LRRC51: variants seen among roughly 807,000 people sequenced by gnomAD.
LRRC51 encodes leucine-rich repeat-containing protein 51.
LRRC51 carries 8 observed loss-of-function variants against 17.8 expected under a neutral mutation model. That is an observed-to-expected ratio of 0.45 (90% CI 0.26 to 0.81). The LOEUF (loss-of-function observed/expected upper bound fraction) is 0.81, where lower values mean the gene tolerates loss of function less well. LRRC51 is among the 30% of genes least tolerant of loss of function. LRRC51 has a pLI of 0.17. For missense variants in LRRC51, 233 were observed against 239.3 expected, an observed-to-expected ratio of 0.97 and a Z score of 0.17; for synonymous variants, 92 against 96.0, an observed-to-expected ratio of 0.96 and a Z score of 0.24.
At chr11:72,095,241 G>C in intron 5 of LRRC51, 138 bp from the exon 6 acceptor site, 1 of 1,570,790 alleles carries the variant, frequency 6.4e-7, no homozygotes, top group Non-Finnish European at 8.6e-7. Context: ...CTTGCTCTCA[G>C]TCAGGATAAA....
In LRRC51 at chr11:72,096,395, G is replaced by A. The variant is rs139223452; in HGVS notation, c.*875G>A. The A allele has an allele frequency of 0.01, 3,909 of 388,350 alleles. 157 individuals carry two copies. Among genetic ancestry groups the A allele is most frequent in the African/African-American group, 0.08 (3,675 of 45,784 alleles). 24.1% of individuals were successfully genotyped at this position (388,350 alleles called of 1,614,324 possible). A position where few individuals can be genotyped will look rare whatever the true frequency, so the allele number is the denominator to read the frequency against. On this transcript the variant is annotated 3_prime_UTR_variant, in exon 6 of 6. Coordinates refer to ENST00000289488, the MANE Select transcript of LRRC51 (RefSeq NM_145309.6). The stretch of plus-strand genomic sequence containing the variant: ...TGGGATTAGAAGCGTGAGCCACCAC[G>A]CCCAGCCTTTTTTTGTATTTTTAGT...
chr11:72,094,495 G>GATC (rs1245340934), intron 4 of LRRC51: 2 of 582,074 alleles, frequency 3.4e-6, no homozygotes, highest in African/African-American at 3.7e-5. Flanking sequence ...TCTAGTCCAA[G>GATC]ATCCCTAAGA....
rs893319117 is a variant in LRRC51, at chr11:72,096,885, C to T, written c.*1365C>T. 7.9e-7 allele frequency: 1 copy of T among 1,272,210 alleles called. No homozygotes were observed. The highest frequency in any genetic ancestry group is 4.1e-5 in the Admixed American group (1 of 24,490). The allele number at this position is 1,272,210 out of a possible 1,614,324, so 78.8% of individuals were successfully genotyped here. A position where few individuals can be genotyped will look rare whatever the true frequency, so the allele number is the denominator to read the frequency against. Reference sequence around the variant, plus strand: ...GATTTCATTTGATAAAAAGAATCTTCTGCTTAAAAACATTTGCTTGCTGAC... The same window carrying T: ...GATTTCATTTGATAAAAAGAATCTTTTGCTTAAAAACATTTGCTTGCTGAC... On this transcript the variant is annotated 3_prime_UTR_variant, in exon 6 of 6. Transcript: ENST00000289488.
At chr11:72,085,999 A>C (rs1275973011) in intron 1 of LRRC51, 1 of 160,152 alleles carries the variant, frequency 6.2e-6, no homozygotes, top group Non-Finnish European at 1.4e-5. Flanking sequence ...CTTCATGTTT[A>C]TCGACATCTC....
At chr11:72,094,774 A>G (rs765393997) in intron 4 of LRRC51, 174 bp from the exon 5 acceptor site, 3 of 1,239,702 alleles carry the variant, frequency 2.4e-6, no homozygotes, top group Non-Finnish European at 3.5e-6. Context: ...GATGCCCTGT[A>G]TGTCTTAAAA....
intron 1 of LRRC51, chr11:72,086,536 C>T (rs1181946508): frequency 1.0e-5 from 7 of 695,128 alleles, no homozygotes; most frequent in South Asian, 9.0e-5. Context: ...ATTCATCCCA[C>T]AAACATTTTG....
At chr11:72,089,550 T>TA (rs757722975) in intron 3 of LRRC51, 21 of 1,212,972 alleles carry the variant, frequency 1.7e-5, no homozygotes, top group Non-Finnish European at 2.2e-5. Flanking sequence ...CTCCTGTTTT[T>TA]ACCTGAAGAG....
At chr11:72,090,322 G>T (rs768864596) in intron 3 of LRRC51, among the ~76,000 whole-genome samples, 7 of 152,186 alleles carry the variant, frequency 4.6e-5, no homozygotes, top group Non-Finnish European at 7.4e-5. Flanking sequence ...TTCTAACTCT[G>T]ATGGAGGAGG....
chr11:72,083,189 T>C (rs1271546829), intron 1 of LRRC51, among the ~76,000 whole-genome samples: 1 of 152,170 alleles, frequency 6.6e-6, no homozygotes, highest in East Asian at 1.9e-4. Flanking sequence ...ATTAATACTA[T>C]GTGGTTTCCT....
chr11:72,086,518 T>C (rs1944542344), intron 1 of LRRC51: 1 of 698,508 alleles, frequency 1.4e-6, no homozygotes. Flanking sequence ...ATTGGCAGTT[T>C]CTCATTCATT....
chr11:72,092,149 AATCTC>A (rs1944897074), intron 3 of LRRC51, among the ~76,000 whole-genome samples: 2 of 152,140 alleles, frequency 1.3e-5, no homozygotes, highest in African/African-American at 4.8e-5. Context: ...CTCCCTGAGG[AATCTC>A]ATCTCTTTCC....
chr11:72,092,798 T>A (rs974154225), intron 3 of LRRC51, among the ~76,000 whole-genome samples: 10 of 152,218 alleles, frequency 6.6e-5, no homozygotes, highest in African/African-American at 2.4e-4. Context: ...CATCCCCTAA[T>A]CCATGGAGAT....
intron 1 of LRRC51, among the ~76,000 whole-genome samples, chr11:72,081,972 T>C (rs1187766090): frequency 6.6e-6 from 1 of 152,072 alleles, no homozygotes; most frequent in African/African-American, 2.4e-5. Flanking sequence ...CACACCAAAT[T>C]AGTGACAGAG....
chr11:72,088,423 A>G, intron 2 of LRRC51, 43 bp downstream of exon 2: 1 of 702,244 alleles, frequency 1.4e-6, no homozygotes. Context: ...GTGTATGTTT[A>G]TATGTGTATG....
chr11:72,093,365 G>A (rs1944975188), intron 3 of LRRC51, 131 bp from the exon 4 acceptor site: 21 of 851,166 alleles, frequency 2.5e-5, no homozygotes, highest in Non-Finnish European at 3.7e-5. Context: ...ACTAGACTCA[G>A]GCACAGGGCT....
Position 72,093,522 on chromosome 11 carries a change from G to A in LRRC51, c.109G>A (p.Gly37Arg), listed in dbSNP as rs750499516. 1.2e-6 allele frequency: 2 copies of A among 1,613,896 alleles called. No individual in the cohort carries two copies. Among genetic ancestry groups the A allele is most frequent in the East Asian group, 2.2e-5 (1 of 44,884 alleles). Residue 37 changes from glycine (G) to arginine (R), a missense_variant, in exon 4 of 6, where the codon GGA becomes AGA. Coordinates refer to ENST00000289488, the MANE Select transcript of LRRC51 (RefSeq NM_145309.6). ...TCTGGTAAATGAGGAGCCAAGGACA[G>A]GACTACGACCACTGAAGCGTTCAAA... ...QDLVNEEPRT[G>R]LRPLKRSKSG... is the part of the protein sequence containing the mutation.
chr11:72,091,420 G>A (rs767405263), intron 3 of LRRC51, among the ~76,000 whole-genome samples: 3 of 152,118 alleles, frequency 2.0e-5, no homozygotes, highest in Non-Finnish European at 4.4e-5. Context: ...TAGGATTAAG[G>A]CAGAGAGCCA....
intron 3 of LRRC51, among the ~76,000 whole-genome samples, chr11:72,092,776 T>C (rs1477068171): frequency 6.6e-6 from 1 of 152,254 alleles, no homozygotes; most frequent in African/African-American, 2.4e-5. Flanking sequence ...TTACCCTTCT[T>C]TGCCTGATAA....
At chr11:72,091,405 C>T (rs1944851852) in intron 3 of LRRC51, among the ~76,000 whole-genome samples, 1 of 152,118 alleles carries the variant, frequency 6.6e-6, no homozygotes, top group African/African-American at 2.4e-5. Flanking sequence ...GGGTCCTGCT[C>T]ACTCTAGGAT....
Sources: allele counts gnomAD v4.1 joint callset (sites outside exome capture counted in the v4.1 genomes callset), GRCh38; gene constraint gnomAD v4.1.1; transcripts MANE v1.5; gene names NCBI Gene and HGNC (gene_info 2026-07-23, HGNC 2026-07-21).